AKT3: variants seen among roughly 807,000 people sequenced by gnomAD.
The protein encoded by AKT3 is RAC-gamma serine/threonine-protein kinase.
A neutral mutation model predicts 65.3 loss-of-function variants in AKT3; 15 were observed. The ratio of observed to expected loss-of-function variants is 0.23; its 90% CI spans 0.15 to 0.35. AKT3 has a LOEUF of 0.35. AKT3 is among the 10% of genes least tolerant of loss of function. The probability of loss-of-function intolerance (pLI) is 1.00; values close to 1 mark genes in which losing one functional copy is unlikely to be tolerated. For synonymous variants in AKT3, 206 were observed against 183.8 expected (o/e 1.12, Z -0.98); for missense variants, 243 against 576.5 (o/e 0.42, Z 5.92).
At chr1:243,595,587 C>A (rs948595200) in intron 8 of AKT3, among the ~76,000 whole-genome samples, 1 of 152,068 alleles carries the variant, frequency 6.6e-6, no homozygotes, top group Non-Finnish European at 1.5e-5. Flanking sequence ...TTCTTTACAT[C>A]TTTATAAATA....
intron 13 of AKT3, among the ~76,000 whole-genome samples, chr1:243,508,656 T>G (rs1440022501): frequency 4.7e-4 from 2 of 4,216 alleles, no homozygotes; most frequent in Admixed American, 6.9e-3. Flanking sequence ...AAAGCCAGAC[T>G]TTTTTTTTTT....
At chr1:243,782,915 C>A (rs1691003319) in intron 2 of AKT3, among the ~76,000 whole-genome samples, 1 of 152,190 alleles carries the variant, frequency 6.6e-6, no homozygotes, top group Non-Finnish European at 1.5e-5. Flanking sequence ...ATGATCCTCA[C>A]ACCCTGGTAT....
intron 8 of AKT3, among the ~76,000 whole-genome samples, chr1:243,586,432 G>A (rs965832126): frequency 1.3e-5 from 2 of 152,140 alleles, no homozygotes; most frequent in African/African-American, 4.8e-5. Flanking sequence ...CTATAAAGTA[G>A]ACACAGGCAC....
At chr1:243,645,300 C>T (rs375908037) in intron 5 of AKT3, among the ~76,000 whole-genome samples, 1 of 152,068 alleles carries the variant, frequency 6.6e-6, no homozygotes, top group African/African-American at 2.4e-5. Context: ...AAGGAAATTG[C>T]TTTTCAATTT....
At chr1:243,547,470 T>G (rs527314418) in intron 11 of AKT3, among the ~76,000 whole-genome samples, 1 of 152,270 alleles carries the variant, frequency 6.6e-6, no homozygotes, top group African/African-American at 2.4e-5. Flanking sequence ...AAAACACCAC[T>G]GGGTTGGAAG....
intron 2 of AKT3, among the ~76,000 whole-genome samples, chr1:243,809,174 C>T (rs1330266410): frequency 1.3e-5 from 2 of 152,164 alleles, no homozygotes; most frequent in East Asian, 3.9e-4. Context: ...CAAATTCACA[C>T]ACAACAATAT....
At chr1:243,631,526 C>T (rs1272366696) in intron 6 of AKT3, among the ~76,000 whole-genome samples, 5 of 152,122 alleles carry the variant, frequency 3.3e-5, no homozygotes, top group African/African-American at 1.2e-4. Context: ...TGACCTCAAG[C>T]GATCTGCCTG....
chr1:243,843,153 A>G lies in AKT3; in HGVS notation c.18T>C (p.Ile6=), dbSNP rs765110342. 3.7e-6 allele frequency: 6 copies of G among 1,613,958 alleles called. No homozygotes were observed. The highest frequency in any genetic ancestry group is 1.6e-4 in the Middle Eastern group (1 of 6,062). The change falls in exon 2 of 14, where the codon ATT becomes ATC. Residue 6 remains isoleucine, a synonymous_variant. Transcript: ENST00000673466. ...TCTTCTGAACCCAACCTTCTTTCACAATGGTAACATCGCTCATGATGACTC... is the reference window on the plus strand; with the variant it reads ...TCTTCTGAACCCAACCTTCTTTCACGATGGTAACATCGCTCATGATGACTC... MSDVT[I]VKEGWVQKRG... is the part of the protein sequence containing the mutation.
chr1:243,796,000 C>G (rs1401861170), intron 2 of AKT3, among the ~76,000 whole-genome samples: 1 of 152,108 alleles, frequency 6.6e-6, no homozygotes, highest in Non-Finnish European at 1.5e-5. Flanking sequence ...CATTTCTGAC[C>G]CCTATCTTCC....
intron 4 of AKT3, among the ~76,000 whole-genome samples, chr1:243,657,180 T>C (rs1681870109): frequency 1.3e-5 from 2 of 152,144 alleles, no homozygotes; most frequent in Admixed American, 1.3e-4. Flanking sequence ...CTCAGAGAGT[T>C]CCTTTGGCAC....
chr1:243,554,835 C>G (rs1042992813), intron 10 of AKT3, among the ~76,000 whole-genome samples: 1 of 151,846 alleles, frequency 6.6e-6, no homozygotes, highest in Non-Finnish European at 1.5e-5. Context: ...AACTGCCTCC[C>G]GAACCCACAT....
chr1:243,767,916 T>C (rs1462785692), intron 2 of AKT3, among the ~76,000 whole-genome samples: 1 of 151,894 alleles, frequency 6.6e-6, no homozygotes, highest in Non-Finnish European at 1.5e-5. Flanking sequence ...GAAACTAATC[T>C]CAAACTGTCA....
chr1:243,804,349 T>A (rs919207207), intron 2 of AKT3, among the ~76,000 whole-genome samples: 1 of 152,220 alleles, frequency 6.6e-6, no homozygotes, highest in African/African-American at 2.4e-5. Flanking sequence ...AAACTAGTAA[T>A]ACATTTAGTG....
intron 2 of AKT3, among the ~76,000 whole-genome samples, chr1:243,713,319 A>C (rs1389316031): frequency 2.6e-5 from 4 of 152,180 alleles, no homozygotes; most frequent in African/African-American, 4.8e-5. Context: ...CTAAAACTAG[A>C]CATGAATAAG....
intron 2 of AKT3, among the ~76,000 whole-genome samples, chr1:243,737,383 G>A (rs910445704): frequency 1.3e-5 from 2 of 152,120 alleles, no homozygotes; most frequent in Non-Finnish European, 2.9e-5. Context: ...GTTATTCCCT[G>A]ACTCCTAAAT....
chr1:243,768,831 C>CAAAA (rs1360543117), intron 2 of AKT3, among the ~76,000 whole-genome samples: 4 of 78,156 alleles, frequency 5.1e-5, no homozygotes, highest in African/African-American at 9.0e-5. Context: ...TGATCCGCCA[C>CAAAA]AAAAAAAAAA....
Position 243,850,027 on chromosome 1 carries a change from C to T in AKT3, c.-113+13G>A, listed in dbSNP as rs1695699445. 1 of 984,016 alleles carries T rather than the reference C, an allele frequency of 1.0e-6. No individual in the cohort carries two copies. The highest frequency in any genetic ancestry group is 1.2e-6 in the Non-Finnish European group (1 of 830,088). The allele number at this position is 984,016 out of a possible 1,614,324, so 61.0% of individuals were successfully genotyped here. On this transcript the variant is annotated intron_variant, in intron 1 of 13. Transcript: ENST00000673466. The stretch of plus-strand genomic sequence containing the variant: ...GCGGGGAGGGGGCTAGAGTTGGGGG[C>T]GGTGGCTGTTACCTGCAACGGCGGC...
intron 2 of AKT3, among the ~76,000 whole-genome samples, chr1:243,758,951 A>G (rs1012419943): frequency 1.3e-5 from 2 of 152,174 alleles, no homozygotes; most frequent in African/African-American, 4.8e-5. Flanking sequence ...ATGGGACGCT[A>G]CAGGAGGTTT....
chr1:243,681,660 C>T (rs1057079057), intron 3 of AKT3, among the ~76,000 whole-genome samples: 4 of 152,190 alleles, frequency 2.6e-5, no homozygotes, highest in Admixed American at 6.5e-5. Flanking sequence ...TGGGTGCTGA[C>T]GACGTATTAC....
Sources: gnomAD v4.1 joint callset for allele counts (sites outside exome capture counted in the v4.1 genomes callset) on GRCh38, gnomAD v4.1.1 for gene constraint, MANE v1.5 for transcripts, NCBI Gene and HGNC (gene_info 2026-07-23, HGNC 2026-07-21) for gene names.